ATAD5: variants seen among roughly 807,000 people sequenced by gnomAD.
The protein encoded by ATAD5 is ATPase family AAA domain-containing protein 5.
A neutral mutation model predicts 176.9 loss-of-function variants in ATAD5; 58 were observed. That is an observed-to-expected ratio of 0.33 (90% confidence interval 0.27 to 0.41). ATAD5 has a LOEUF of 0.41. Ranked by LOEUF, ATAD5 falls within the 10% of genes least tolerant of loss-of-function variation. The probability of loss-of-function intolerance (pLI) is 1.00; values close to 1 mark genes in which losing one functional copy is unlikely to be tolerated. For synonymous variants in ATAD5, 640 were observed against 712.6 expected (o/e 0.90, Z 1.62); for missense variants, 1,789 against 2,094.1 (o/e 0.85, Z 2.84).
At position 30,832,271 on chromosome 17, in the gene ATAD5, C is replaced by T. The variant is rs535901700; in HGVS notation, c.-77C>T. 7 of 1,321,666 alleles carry T rather than the reference C, an allele frequency of 5.3e-6. No homozygotes were observed. In the South Asian group the frequency reaches 1.3e-4, roughly 24 times the overall value. 81.9% of individuals were successfully genotyped at this position (1,321,666 alleles called of 1,614,324 possible). A position where few individuals can be genotyped will look rare whatever the true frequency, so the allele number is the denominator to read the frequency against. ...AGCAGCTTGCTGCTACTGGAGCGGG[C>T]CGCCTCCATGGCCTCCAGGCAGGCC... On this transcript the variant is annotated 5_prime_UTR_variant, in exon 1 of 23. Transcript: ENST00000321990.
Position 30,875,471 on chromosome 17 carries a change from C to G in ATAD5, c.3608-903C>G, listed in dbSNP as rs564309523. Reference sequence around the variant, plus strand: ...TTAAGCAGGTGTAGAAAAAAATGAACAGAGGTACTGTGAACAGTATTTGTT... The same window carrying G: ...TTAAGCAGGTGTAGAAAAAAATGAAGAGAGGTACTGTGAACAGTATTTGTT... On this transcript the variant is annotated intron_variant, in intron 14 of 22. Coordinates refer to ENST00000321990, the MANE Select transcript of ATAD5 (RefSeq NM_024857.5). Among the ~76,000 whole-genome samples the G allele has an allele frequency of 5.3e-5, 8 of 152,094 alleles. No homozygotes were observed. In the South Asian group the frequency reaches 1.7e-3, roughly 32 times the overall value.
rs910672739 is a variant in ATAD5 at position 30,832,214 on chromosome 17, C to G, written c.-134C>G. ...CGCTCCCGCTCTCTGTCGGTGGGCG[C>G]GGGGGAATCCGAAACGGCTCAGCAG... On this transcript the variant is annotated 5_prime_UTR_variant, in exon 1 of 23. Transcript: ENST00000321990. 4 of 618,708 alleles carry G rather than the reference C, an allele frequency of 6.5e-6. No individual in the cohort carries two copies. In the Admixed American group the frequency reaches 1.1e-4, roughly 16 times the overall value. The allele number at this position is 618,708 out of a possible 1,614,324, so 38.3% of individuals were successfully genotyped here. A position where few individuals can be genotyped will look rare whatever the true frequency, so the allele number is the denominator to read the frequency against.
At chr17:30,868,507 T>A (rs1908133709) in intron 12 of ATAD5, 95 bp downstream of exon 12, 17 of 787,928 alleles carry the variant, frequency 2.2e-5, no homozygotes, top group South Asian at 1.1e-4. Flanking sequence ...CTTTTTTTTT[T>A]AATTTTTTTT....
chr17:30,832,376 C>G lies in ATAD5; in HGVS notation c.29C>G (p.Ala10Gly). Residue 10 changes from alanine to glycine, a missense_variant, in exon 1 of 23, where the codon GCA becomes GGA. This residue lies in a region of ATAD5 where 696 missense variants were observed against 712.5 expected (regional missense o/e 0.98). Transcript: ENST00000321990. ...GTGGGGGTCCTGGCCATGGCGGCTG[C>G]AGCTGCTCCGCCTCCCGTGAAGGAC... MVGVLAMAA[A>G]AAPPPVKDCE... 1.9e-6 allele frequency: 3 copies of G among 1,565,118 alleles called. No individual in the cohort carries two copies. Among genetic ancestry groups the G allele is most frequent in the Non-Finnish European group, 2.6e-6 (3 of 1,154,636 alleles).
In ATAD5 at chr17:30,834,580, G is replaced by A; in HGVS notation, c.499G>A (p.Val167Ile). 6.2e-7 allele frequency: 1 copy of A among 1,609,236 alleles called. No individual in the cohort carries two copies. The highest frequency in any genetic ancestry group is 8.5e-7 in the Non-Finnish European group (1 of 1,178,908). The change falls in exon 2 of 23, where the codon GTA (valine) becomes ATA (isoleucine). Residue 167 changes from valine to isoleucine, a missense_variant. By Grantham distance (29) the Val-to-Ile change is conservative. Transcript: ENST00000321990. ...SVLRYKKQVE[V>I]LAENIQDTKS... ...TTTACGTTACAAGAAACAAGTAGAG[G>A]TACTTGCAGAAAACATTCAAGATAC...
chr17:30,864,724 T>C (rs1476018182), intron 10 of ATAD5: 2 of 152,238 alleles, frequency 1.3e-5, no homozygotes, highest in Non-Finnish European at 2.9e-5. Flanking sequence ...GTTCAGCTTA[T>C]AAAGGAGAAC....
intron 11 of ATAD5, among the ~76,000 whole-genome samples, chr17:30,866,342 G>A (rs147491546): frequency 5.3e-5 from 8 of 149,902 alleles, no homozygotes; most frequent in Admixed American, 1.3e-4. Context: ...GGACTACAGG[G>A]GTGCACCGCC....
rs1275268579 is a variant in ATAD5 at position 30,834,860 on chromosome 17, A to G, written c.779A>G (p.Asp260Gly). ...GTAACTGAAGCAGCCCAGTTAAATG[A>G]TAGTATAATAACTGTCTCATATGAG... ...DNVTEAAQLN[D>G]SIITVSYEEF... The change falls in exon 2 of 23, where the codon GAT becomes GGT. Residue 260 changes from aspartate to glycine, a missense_variant. Around this residue, in one of 6 missense-constraint regions of ATAD5, gnomAD observed 696 missense variants for 712.5 expected, o/e 0.98. Transcript: ENST00000321990. 6.2e-7 allele frequency: 1 copy of G among 1,613,594 alleles called. No homozygotes were observed. The highest frequency in any genetic ancestry group is 8.5e-7 in the Non-Finnish European group (1 of 1,179,770).
intron 6 of ATAD5, 103 bp from the exon 7 acceptor site, chr17:30,855,040 T>G: frequency 2.7e-6 from 3 of 1,103,648 alleles, no homozygotes; most frequent in Non-Finnish European, 3.8e-6. Context: ...ATTACAGGCA[T>G]GAGCCACCAT....
chr17:30,894,436 T>C, intron 21 of ATAD5, 128 bp from the exon 22 acceptor site: 1 of 935,322 alleles, frequency 1.1e-6, no homozygotes, highest in East Asian at 2.6e-5. Context: ...ATTGATGTGT[T>C]GACAGGAAAT....
intron 10 of ATAD5, among the ~76,000 whole-genome samples, chr17:30,862,369 A>T (rs996831906): frequency 2.0e-5 from 3 of 152,224 alleles, no homozygotes; most frequent in African/African-American, 7.2e-5. Context: ...TTGAAAAAAA[A>T]ATATGGTCTT....
At chr17:30,886,611 C>T (rs1001724762) in intron 18 of ATAD5, among the ~76,000 whole-genome samples, 1 of 151,712 alleles carries the variant, frequency 6.6e-6, no homozygotes. Context: ...TTGCCTCAGC[C>T]TCTCTCAATT....
At chr17:30,872,620 A>C (rs1908405047) in intron 14 of ATAD5, among the ~76,000 whole-genome samples, 1 of 145,222 alleles carries the variant, frequency 6.9e-6, no homozygotes, top group Non-Finnish European at 1.5e-5. Context: ...CAGTGGTGCG[A>C]TCTTGGTGCA....
intron 10 of ATAD5, among the ~76,000 whole-genome samples, chr17:30,865,233 C>T (rs1392983355): frequency 1.3e-5 from 2 of 148,500 alleles, no homozygotes; most frequent in Non-Finnish European, 1.5e-5. Flanking sequence ...AGTGCAGTGG[C>T]GCGATCTCCG....
rs1908119868 is a variant in ATAD5 at position 30,868,354 on chromosome 17, A to G, written c.3255A>G (p.Arg1085=). ...KLHSWLKDWK[R]RAELEERQNL... Reference sequence around the variant, plus strand: ...GCAGTTGGTTGAAAGACTGGAAAAGAAGAGCTGAATTGGAAGAAAGGCAGA... The same window carrying G: ...GCAGTTGGTTGAAAGACTGGAAAAGGAGAGCTGAATTGGAAGAAAGGCAGA... Residue 1085 remains arginine, a synonymous_variant, in exon 12 of 23, where the codon AGA becomes AGG. Coordinates refer to ENST00000321990, the MANE Select transcript of ATAD5 (RefSeq NM_024857.5). 2 of 1,586,982 alleles carry G rather than the reference A, an allele frequency of 1.3e-6. No individual in the cohort carries two copies. Among genetic ancestry groups the G allele is most frequent in the Admixed American group, 1.8e-5 (1 of 54,102 alleles).
At chr17:30,871,470 C>G (rs1374906352) in intron 14 of ATAD5, among the ~76,000 whole-genome samples, 1 of 151,708 alleles carries the variant, frequency 6.6e-6, no homozygotes, top group Non-Finnish European at 1.5e-5. Flanking sequence ...GCCTCAGCCT[C>G]CCGAGTAGCT....
At chr17:30,868,508 A>T (rs866679492) in intron 12 of ATAD5, 96 bp downstream of exon 12, 167 of 731,380 alleles carry the variant, frequency 2.3e-4, no homozygotes, top group African/African-American at 2.7e-4. Context: ...TTTTTTTTTT[A>T]ATTTTTTTTT....
At chr17:30,854,019 A>G (rs1907137820) in intron 6 of ATAD5, among the ~76,000 whole-genome samples, 1 of 151,844 alleles carries the variant, frequency 6.6e-6, no homozygotes, top group African/African-American at 2.4e-5. Context: ...ATGTCCTTTA[A>G]GTCACTTTTT....
chr17:30,872,400 C>A (rs539314815), intron 14 of ATAD5, among the ~76,000 whole-genome samples: 1 of 152,138 alleles, frequency 6.6e-6, no homozygotes, highest in South Asian at 2.1e-4. Context: ...GAGATTGTTT[C>A]CTCTGATCTT....
Sources: allele counts gnomAD v4.1 joint callset (sites outside exome capture counted in the v4.1 genomes callset), GRCh38; gene constraint gnomAD v4.1.1; regional missense constraint gnomAD v4.1.1; transcripts MANE v1.5; gene names NCBI Gene and HGNC (gene_info 2026-07-23, HGNC 2026-07-21).